TOX: variants seen among roughly 807,000 people sequenced by gnomAD.
TOX encodes thymocyte selection-associated high mobility group box protein TOX.
Under a neutral mutation model 53.7 loss-of-function variants are expected in TOX, and 11 were observed. The ratio of observed to expected loss-of-function variants is 0.20; its 90% confidence interval spans 0.13 to 0.34. The LOEUF is 0.34. Ranked by LOEUF, TOX falls within the 10% of genes least tolerant of loss-of-function variation. The pLI is 1.00. For synonymous variants in TOX, 225 were observed against 245.3 expected (o/e 0.92, Z 0.77); for missense variants, 570 against 664.6 (o/e 0.86, Z 1.56).
intron 3 of TOX, among the ~76,000 whole-genome samples, chr8:58,880,393 C>G (rs76354129): frequency 0.011 from 1,664 of 152,280 alleles, 39 homozygotes; most frequent in African/African-American, 0.037. Context: ...TGCAAAATAT[C>G]TGGCGTATAT....
At chr8:58,958,225 T>C (rs1173572095) in intron 2 of TOX, among the ~76,000 whole-genome samples, 1 of 152,190 alleles carries the variant, frequency 6.6e-6, no homozygotes, top group Non-Finnish European at 1.5e-5. Context: ...AAAAACAATG[T>C]TAGTTGTTTG....
At chr8:59,110,959 T>C (rs1384476019) in intron 1 of TOX, among the ~76,000 whole-genome samples, 5 of 152,194 alleles carry the variant, frequency 3.3e-5, no homozygotes, top group South Asian at 2.1e-4. Context: ...CTTTGAATTT[T>C]TGAACATCTT....
intron 1 of TOX, among the ~76,000 whole-genome samples, chr8:58,982,702 T>A (rs1425876850): frequency 6.6e-6 from 1 of 152,192 alleles, no homozygotes; most frequent in Admixed American, 6.5e-5. Flanking sequence ...ATTTAACTGA[T>A]CTCTTCTATC....
intron 1 of TOX, among the ~76,000 whole-genome samples, chr8:59,104,950 A>G (rs1804872386): frequency 6.6e-6 from 1 of 152,120 alleles, no homozygotes; most frequent in South Asian, 2.1e-4. Flanking sequence ...CTTATTAGCC[A>G]TATGGAGGGA....
chr8:58,823,135 C>T (rs1225639794), intron 6 of TOX, among the ~76,000 whole-genome samples: 5 of 152,122 alleles, frequency 3.3e-5, no homozygotes, highest in Admixed American at 6.5e-5. Flanking sequence ...TAGGATTAAG[C>T]GTTTTATTTT....
At chr8:58,854,807 T>C (rs941855466) in intron 3 of TOX, among the ~76,000 whole-genome samples, 1 of 152,136 alleles carries the variant, frequency 6.6e-6, no homozygotes, top group Admixed American at 6.5e-5. Flanking sequence ...ATTTCTGAAT[T>C]AGGAGGAGTA....
At chr8:59,078,229 T>C (rs1035086838) in intron 1 of TOX, among the ~76,000 whole-genome samples, 1 of 152,182 alleles carries the variant, frequency 6.6e-6, no homozygotes, top group Non-Finnish European at 1.5e-5. Context: ...TGCAGTCCTG[T>C]GCAAGTATCT....
At chr8:58,994,991 T>C (rs1290209565) in intron 1 of TOX, among the ~76,000 whole-genome samples, 1 of 152,212 alleles carries the variant, frequency 6.6e-6, no homozygotes, top group Non-Finnish European at 1.5e-5. Context: ...ACACTAAGTG[T>C]CAATAAAGTG....
At chr8:58,820,978 C>T (rs568986056) in intron 6 of TOX, among the ~76,000 whole-genome samples, 8 of 152,244 alleles carry the variant, frequency 5.3e-5, no homozygotes, top group African/African-American at 1.9e-4. Context: ...TTTCCTTAAG[C>T]TTTATTTGAC....
intron 1 of TOX, among the ~76,000 whole-genome samples, chr8:58,978,776 C>T (rs183685785): frequency 1.0e-3 from 154 of 152,266 alleles, no homozygotes; most frequent in African/African-American, 3.5e-3. Context: ...AATTAGGGTT[C>T]CCTGTTGGTA....
intron 3 of TOX, among the ~76,000 whole-genome samples, chr8:58,912,318 A>G (rs546398205): frequency 6.9e-4 from 105 of 152,314 alleles, no homozygotes; most frequent in African/African-American, 2.3e-3. Context: ...TGAAGACCCA[A>G]TTCAATTCAT....
intron 1 of TOX, among the ~76,000 whole-genome samples, chr8:59,105,907 A>C (rs554330997): frequency 6.6e-6 from 1 of 152,146 alleles, no homozygotes; most frequent in Non-Finnish European, 1.5e-5. Flanking sequence ...TATTGTAGCC[A>C]AAGTTACCTT....
intron 1 of TOX, among the ~76,000 whole-genome samples, chr8:59,033,526 A>C (rs923638100): frequency 2.0e-5 from 3 of 152,180 alleles, no homozygotes; most frequent in African/African-American, 4.8e-5. Context: ...TTAAATGGTA[A>C]ATTTCATATT....
At chr8:58,982,843 ATCCT>A (rs1438296368) in intron 1 of TOX, among the ~76,000 whole-genome samples, 1 of 152,126 alleles carries the variant, frequency 6.6e-6, no homozygotes, top group Non-Finnish European at 1.5e-5. Context: ...AACAAAATGG[ATCCT>A]TCTTATTCTG....
At chr8:59,111,796 A>T (rs1274357445) in intron 1 of TOX, among the ~76,000 whole-genome samples, 4 of 152,190 alleles carry the variant, frequency 2.6e-5, no homozygotes, top group Non-Finnish European at 5.9e-5. Context: ...CTTATCAACC[A>T]ACCATGGCCT....
In TOX at chr8:59,102,560, G is replaced by A. The variant is rs1199135767; in HGVS notation, c.102+16326C>T. Among the ~76,000 whole-genome samples, 5 of 152,092 alleles carry A rather than the reference G, an allele frequency of 3.3e-5. No individual in the cohort carries two copies. The East Asian group carries it at 7.7e-4, about 24-fold the overall frequency. On this transcript the variant is annotated intron_variant, in intron 1 of 8. Transcript: ENST00000361421. ...CCCGTTTTTAAAACCATCAGAACTC[G>A]TGAGACCCGTTCACTATCACAAGAA...
chr8:59,108,541 T>C (rs1366991442), intron 1 of TOX, among the ~76,000 whole-genome samples: 1 of 152,136 alleles, frequency 6.6e-6, no homozygotes, highest in African/African-American at 2.4e-5. Flanking sequence ...GCTGCACAAA[T>C]AGAAGCTCCT....
intron 2 of TOX, among the ~76,000 whole-genome samples, chr8:58,953,474 T>C (rs564721950): frequency 6.6e-6 from 1 of 152,258 alleles, no homozygotes; most frequent in South Asian, 2.1e-4. Context: ...AATGCTAGAG[T>C]AGTTTAACTT....
intron 7 of TOX, among the ~76,000 whole-genome samples, chr8:58,815,029 A>G (rs1037394023): frequency 6.6e-6 from 1 of 152,234 alleles, no homozygotes; most frequent in Non-Finnish European, 1.5e-5. Context: ...TACTTTACTC[A>G]AGAAACAGAA....
Sources: allele counts gnomAD v4.1 joint callset (sites outside exome capture counted in the v4.1 genomes callset), GRCh38; gene constraint gnomAD v4.1.1; transcripts MANE v1.5; gene names NCBI Gene and HGNC (gene_info 2026-07-23, HGNC 2026-07-21).